NKAIN2: variants seen among roughly 807,000 people sequenced by gnomAD.
NKAIN2 encodes the protein sodium/potassium-transporting ATPase subunit beta-1-interacting protein 2.
Under a neutral mutation model 32.6 loss-of-function variants are expected in NKAIN2, and 14 were observed. That is an observed-to-expected ratio of 0.43 (90% CI 0.28 to 0.67). NKAIN2 has a LOEUF of 0.67. NKAIN2 is among the 30% of genes least tolerant of loss of function. The probability of loss-of-function intolerance (pLI) is 0.17; values close to 1 mark genes in which losing one functional copy is unlikely to be tolerated. For synonymous variants in NKAIN2, 80 were observed against 87.2 expected (o/e 0.92, Z 0.46); for missense variants, 198 against 258.3 (o/e 0.77, Z 1.60).
At chr6:124,583,039 C>A (rs1781579389) in intron 3 of NKAIN2, among the ~76,000 whole-genome samples, 1 of 151,964 alleles carries the variant, frequency 6.6e-6, no homozygotes, top group Non-Finnish European at 1.5e-5. Context: ...AACCAAAATC[C>A]CTTCTTCTAA....
At chr6:124,807,267 A>T (rs1733971429) in intron 5 of NKAIN2, among the ~76,000 whole-genome samples, 1 of 152,240 alleles carries the variant, frequency 6.6e-6, no homozygotes, top group African/African-American at 2.4e-5. Context: ...CATGTAAAAG[A>T]ACAGAAATTA....
At chr6:124,155,104 C>T (rs930048807) in intron 1 of NKAIN2, among the ~76,000 whole-genome samples, 60 of 151,958 alleles carry the variant, frequency 3.9e-4, no homozygotes, top group African/African-American at 1.3e-3. Context: ...CTAGGATGGG[C>T]GATATTTTTG....
intron 4 of NKAIN2, among the ~76,000 whole-genome samples, chr6:124,695,791 C>A (rs1470326787): frequency 6.6e-6 from 1 of 152,196 alleles, no homozygotes; most frequent in Non-Finnish European, 1.5e-5. Flanking sequence ...GCTGCAGGAA[C>A]AGAAAGATGT....
At chr6:124,441,913 G>T (rs147052017) in intron 3 of NKAIN2, among the ~76,000 whole-genome samples, 1 of 151,894 alleles carries the variant, frequency 6.6e-6, no homozygotes, top group Non-Finnish European at 1.5e-5. Flanking sequence ...ATTCTAGCAG[G>T]TTGAATAGTT....
chr6:123,911,266 G>A (rs1220700405), intron 1 of NKAIN2, among the ~76,000 whole-genome samples: 1 of 152,090 alleles, frequency 6.6e-6, no homozygotes, highest in South Asian at 2.1e-4. Flanking sequence ...AGATTTATTT[G>A]GCTCATGCTT....
chr6:124,010,297 A>G (rs991574744), intron 1 of NKAIN2, among the ~76,000 whole-genome samples: 2 of 152,026 alleles, frequency 1.3e-5, no homozygotes, highest in Admixed American at 6.6e-5. Flanking sequence ...AAGGGTCTAC[A>G]CTACTCTTGA....
chr6:124,186,458 A>G (rs1789748081), intron 1 of NKAIN2, among the ~76,000 whole-genome samples: 1 of 152,002 alleles, frequency 6.6e-6, no homozygotes, highest in African/African-American at 2.4e-5. Flanking sequence ...AGAAAATTGG[A>G]AAGTTTTCCA....
At chr6:124,732,313 A>G (rs1337640167) in intron 4 of NKAIN2, among the ~76,000 whole-genome samples, 4 of 152,068 alleles carry the variant, frequency 2.6e-5, no homozygotes, top group Non-Finnish European at 5.9e-5. Context: ...TAAGGAATAG[A>G]GATACGGGCT....
rs76539083 is a variant in NKAIN2, at chr6:123,882,287, CA to C, written c.54+78034del. On this transcript the variant is annotated intron_variant, in intron 1 of 6. Transcript: ENST00000368417. ...TTGGCCATTAATTATGAAAAAAAATCACTGCTTTAGATATAAGGTTGAAAAA... is the reference window on the plus strand; with the variant it reads ...TTGGCCATTAATTATGAAAAAAAATCCTGCTTTAGATATAAGGTTGAAAAA... Among the ~76,000 whole-genome samples, 1,468 of 152,098 alleles carry C rather than the reference CA, an allele frequency of 9.7e-3. 37 individuals carry two copies. The East Asian group carries it at 0.11, about 11-fold the overall frequency.
At chr6:124,543,088 C>T (rs1779968079) in intron 3 of NKAIN2, among the ~76,000 whole-genome samples, 1 of 152,058 alleles carries the variant, frequency 6.6e-6, no homozygotes, top group African/African-American at 2.4e-5. Context: ...ATCAAAACAC[C>T]ACTATGAAGT....
intron 1 of NKAIN2, 102 bp from the exon 2 acceptor site, chr6:124,282,903 T>C: frequency 1.0e-6 from 1 of 977,000 alleles, no homozygotes; most frequent in Non-Finnish European, 1.6e-6. Context: ...GGTAACACAG[T>C]TATAAGTGCT....
At chr6:124,490,398 A>G (rs1360365121) in intron 3 of NKAIN2, 1 of 411,888 alleles carries the variant, frequency 2.4e-6, no homozygotes, top group Non-Finnish European at 4.7e-6. Context: ...AACAGACCGT[A>G]TAGAATCATA....
intron 1 of NKAIN2, among the ~76,000 whole-genome samples, chr6:124,133,498 A>C (rs1786579474): frequency 6.6e-6 from 1 of 152,156 alleles, no homozygotes; most frequent in African/African-American, 2.4e-5. Flanking sequence ...GTTAGATATT[A>C]CATCTACCCA....
In NKAIN2 at chr6:123,830,090, G is replaced by A. The variant is rs139680659; in HGVS notation, c.54+25836G>A. Among the ~76,000 whole-genome samples the A allele has an allele frequency of 3.5e-3, 529 of 152,048 alleles. 1 individual carries two copies. Among genetic ancestry groups the A allele is most frequent in the African/African-American group, 0.012 (492 of 41,482 alleles). On this transcript the variant is annotated intron_variant, in intron 1 of 6. Transcript: ENST00000368417. The stretch of plus-strand genomic sequence containing the variant: ...AGGAATCATTCCTGACTTTTCTCTC[G>A]CCCCGTGTGCTGTCATTATTTGGTC...
chr6:124,806,007 G>A (rs1415219119), intron 5 of NKAIN2, among the ~76,000 whole-genome samples: 9 of 152,150 alleles, frequency 5.9e-5, no homozygotes, highest in Admixed American at 2.0e-4. Flanking sequence ...CTAAATCTAC[G>A]TCTGATTGGT....
At chr6:124,017,725 C>T (rs1281349624) in intron 1 of NKAIN2, among the ~76,000 whole-genome samples, 1 of 152,170 alleles carries the variant, frequency 6.6e-6, no homozygotes, top group Non-Finnish European at 1.5e-5. Context: ...AAGAGGTGGG[C>T]TCCCTGGCCT....
chr6:124,210,590 C>A (rs1054408212), intron 1 of NKAIN2, among the ~76,000 whole-genome samples: 2 of 151,756 alleles, frequency 1.3e-5, no homozygotes, highest in Non-Finnish European at 2.9e-5. Flanking sequence ...TTTGTGTCCT[C>A]TTCAATTTCC....
chr6:124,096,535 T>C (rs547846456), intron 1 of NKAIN2, among the ~76,000 whole-genome samples: 1 of 152,302 alleles, frequency 6.6e-6, no homozygotes, highest in African/African-American at 2.4e-5. Flanking sequence ...AAAATTCTTA[T>C]TCATCTTTTA....
rs190445253 is a variant in NKAIN2, at chr6:124,013,884, G to A, written c.54+209630G>A. On this transcript the variant is annotated intron_variant, in intron 1 of 6. Coordinates refer to ENST00000368417, the MANE Select transcript of NKAIN2 (RefSeq NM_001040214.3). The stretch of plus-strand genomic sequence containing the variant: ...AAGCCAATGAATACAGGTGGCTTTT[G>A]GAAGCAGGAAAAAATAAGGAAATGG... 3.8e-4 allele frequency among the ~76,000 whole-genome samples: 58 copies of A among 152,208 alleles called. 1 individual carries two copies. The highest frequency in any genetic ancestry group is 1.1e-3 in the African/African-American group (44 of 41,552).
Sources: allele counts gnomAD v4.1 joint callset (sites outside exome capture counted in the v4.1 genomes callset), GRCh38; gene constraint gnomAD v4.1.1; transcripts MANE v1.5; gene names NCBI Gene and HGNC (gene_info 2026-07-23, HGNC 2026-07-21).